Variants in EDN2 observed in about 807,000 individuals in gnomAD.
EDN2 encodes endothelin-2.
Under a neutral mutation model 19.9 loss-of-function variants are expected in EDN2, and 10 were observed. That is an observed-to-expected ratio of 0.50 (90% CI 0.31 to 0.85). The LOEUF is 0.85. EDN2 is among the 40% of genes least tolerant of loss of function. The pLI is 0.05. For synonymous variants in EDN2, 84 were observed against 94.9 expected, an observed-to-expected ratio of 0.89 and a Z score of 0.67; for missense variants, 222 against 239.3, an observed-to-expected ratio of 0.93 and a Z score of 0.48.
intron 1 of EDN2, 53 bp from the exon 2 acceptor site, chr1:41,484,256 A>G: frequency 6.3e-7 from 1 of 1,589,874 alleles, no homozygotes; most frequent in Non-Finnish European, 8.6e-7. Context: ...GGTGCCTGGC[A>G]CATCCCAGAG....
rs1404895096 is a variant in EDN2, at chr1:41,484,086, T to C, written c.182A>G (p.Tyr61Cys). Reference sequence around the variant, plus strand: ...CCAGATGATGTCCAAGTGGCAGAAGTAGACGCACTCCTTGTCGAGCCAGGA... The same window carrying C: ...CCAGATGATGTCCAAGTGGCAGAAGCAGACGCACTCCTTGTCGAGCCAGGA... The part of the protein sequence containing the change: ...CSSWLDKECV[Y>C]FCHLDIIWVN... The change falls in exon 2 of 5, where the codon TAC becomes TGC. Residue 61 changes from tyrosine (Y) to cysteine (C), a missense_variant. Physicochemically the swap from Tyr to Cys is radical, Grantham distance 194 (BLOSUM62 -2). Coordinates refer to ENST00000372587, the MANE Select transcript of EDN2 (RefSeq NM_001956.5). The C allele has an allele frequency of 8.1e-6, 13 of 1,612,476 alleles. No homozygotes were observed. Among genetic ancestry groups the C allele is most frequent in the African/African-American group, 2.7e-5 (2 of 74,818 alleles).
intron 1 of EDN2, 125 bp from the exon 2 acceptor site, chr1:41,484,328 A>G: frequency 7.3e-7 from 1 of 1,367,980 alleles, no homozygotes; most frequent in Non-Finnish European, 9.9e-7. Context: ...TTGCTGCTCA[A>G]GAGCTCCAGG....
At position 41,482,559 on chromosome 1, in the gene EDN2, G is replaced by A. The variant is rs746888124; in HGVS notation, c.251C>T (p.Pro84Leu). 32 of 1,588,918 alleles carry A rather than the reference G, an allele frequency of 2.0e-5. No individual in the cohort carries two copies. Among genetic ancestry groups the A allele is most frequent in the African/African-American group, 5.5e-5 (4 of 72,776 alleles). Residue 84 changes from proline to leucine, a missense_variant, in exon 3 of 5, where the codon CCG (proline) becomes CTG (leucine). Physicochemically the swap from Pro to Leu is moderately conservative, Grantham distance 98. Transcript: ENST00000372587. ...CAGGGAGCGGCGCCGGCGTCTTGGC[G>A]GGTTTCCCAGGCCGTAAGGAGCTGT... ...EQTAPYGLGN[P>L]PRRRRRSLPR...
chr1:41,484,076 G>A lies in EDN2; in HGVS notation c.192C>T (p.His64=), dbSNP rs1644270719. Residue 64 remains histidine (H), a synonymous_variant, in exon 2 of 5, where the codon CAC becomes CAT. Coordinates refer to ENST00000372587, the MANE Select transcript of EDN2 (RefSeq NM_001956.5). The part of the protein sequence containing the change: ...WLDKECVYFC[H]LDIIWVNTPE... ...GAGTGTTCACCCAGATGATGTCCAA[G>A]TGGCAGAAGTAGACGCACTCCTTGT... is the stretch of plus-strand genomic sequence containing the variant. The A allele has an allele frequency of 3.7e-6, 6 of 1,612,166 alleles. No individual in the cohort carries two copies. Among genetic ancestry groups the A allele is most frequent in the South Asian group, 1.1e-5 (1 of 90,566 alleles).
At chr1:41,479,592 C>A in intron 4 of EDN2, 90 bp from the exon 5 acceptor site, 2 of 1,165,450 alleles carry the variant, frequency 1.7e-6, no homozygotes, top group Non-Finnish European at 2.5e-6. Flanking sequence ...GGGCTACAGC[C>A]CTTGCCCAGA....
rs533046193 is a variant in EDN2 at position 41,484,617 on chromosome 1, C to T, written c.-16G>A. ...CGGAGACCATAGCGGCGGTGGAGCG[C>T]GCAGGCTGGACTGGAGCAGGGAGTG... On this transcript the variant is annotated 5_prime_UTR_variant, in exon 1 of 5. Coordinates refer to ENST00000372587, the MANE Select transcript of EDN2 (RefSeq NM_001956.5). 4.1e-5 allele frequency: 63 copies of T among 1,553,722 alleles called. No individual in the cohort carries two copies. The highest frequency in any genetic ancestry group is 2.1e-4 in the Admixed American group (11 of 51,430).
chr1:41,484,312 G>T, intron 1 of EDN2, 109 bp from the exon 2 acceptor site: 1 of 1,415,556 alleles, frequency 7.1e-7, no homozygotes, highest in Non-Finnish European at 9.5e-7. Context: ...GAGGGAGTTG[G>T]CACTCTTGCT....
chr1:41,481,195 T>C lies in EDN2; in HGVS notation c.345-2A>G. 1 of 1,613,408 alleles carries C rather than the reference T, an allele frequency of 6.2e-7. No individual in the cohort carries two copies. On this transcript the variant is annotated splice_acceptor_variant, in intron 3 of 4. Coordinates refer to ENST00000372587, the MANE Select transcript of EDN2 (RefSeq NM_001956.5). LOFTEE classifies it high-confidence loss of function. ...CTTGGGACTGCCCCGGCTTCAGTCC[T>C]ACGTGAATAGCATTAGGGCCCAAGT...
chr1:41,481,034 A>G, intron 4 of EDN2, 61 bp downstream of exon 4: 1 of 1,382,002 alleles, frequency 7.2e-7, no homozygotes, highest in South Asian at 1.2e-5. Flanking sequence ...CATAGAAAAT[A>G]TGGGAAATGT....
intron 1 of EDN2, 87 bp from the exon 2 acceptor site, chr1:41,484,290 T>G: frequency 6.7e-7 from 1 of 1,491,700 alleles, no homozygotes; most frequent in Non-Finnish European, 9.1e-7. Flanking sequence ...ATGCCCCTCC[T>G]CTTGCATAAT....
intron 3 of EDN2, 90 bp downstream of exon 3, chr1:41,482,376 C>T (rs1253879757): frequency 2.8e-6 from 4 of 1,403,754 alleles, no homozygotes; most frequent in Non-Finnish European, 2.8e-6. Flanking sequence ...TGCCAGTTCG[C>T]TCCTCTGCTA....
chr1:41,483,958 T>A, intron 2 of EDN2, 89 bp downstream of exon 2: 1 of 1,374,826 alleles, frequency 7.3e-7, no homozygotes. Flanking sequence ...AGAGATGGAA[T>A]GTGTCAACGT....
chr1:41,479,696 T>C lies in EDN2; in HGVS notation c.444-194A>G, dbSNP rs573933185. ...CGCAGGCCAGCCCAGGCGTTGAAGC[T>C]TCTCTGCACATGGGGGCTTTGACAG... On this transcript the variant is annotated intron_variant, in intron 4 of 4. Coordinates refer to ENST00000372587, the MANE Select transcript of EDN2 (RefSeq NM_001956.5). 3.0e-4 allele frequency among the ~76,000 whole-genome samples: 46 copies of C among 152,296 alleles called. No individual in the cohort carries two copies. In the Middle Eastern group the frequency reaches 0.01, roughly 34 times the overall value.
Position 41,484,174 on chromosome 1 carries a change from G to A in EDN2, c.94C>T (p.Gln32Ter), listed in dbSNP as rs1405932807. Residue 32 changes from glutamine (Q) to a stop codon, truncating the protein, a stop_gained, in exon 2 of 5, where the codon CAG becomes TAG. Transcript: ENST00000372587. LOFTEE classifies it high-confidence loss of function. ...TGGGCATGAGATGAGGACGCTGGCT[G>A]CTCCAGGGTGGCAGCAGCCTGGCCC... is the stretch of plus-strand genomic sequence containing the variant. The part of the protein sequence containing the change: ...GKGQAAATLE[Q>*]PASSSHAQGT... The A allele has an allele frequency of 1.2e-6, 2 of 1,612,718 alleles. No homozygotes were observed. Among genetic ancestry groups the A allele is most frequent in the South Asian group, 2.2e-5 (2 of 91,022 alleles).
At chr1:41,479,582 G>C in intron 4 of EDN2, 80 bp from the exon 5 acceptor site, 1 of 1,269,420 alleles carries the variant, frequency 7.9e-7, no homozygotes, top group African/African-American at 1.5e-5. Flanking sequence ...AGGGGCAATG[G>C]GGCTACAGCC....
chr1:41,484,187 A>G lies in EDN2; in HGVS notation c.81T>C (p.Ala27=). 1.2e-6 allele frequency: 2 copies of G among 1,612,232 alleles called. No individual in the cohort carries two copies. Among genetic ancestry groups the G allele is most frequent in the Non-Finnish European group, 1.7e-6 (2 of 1,179,936 alleles). The stretch of plus-strand genomic sequence containing the variant: ...AGGACGCTGGCTGCTCCAGGGTGGC[A>G]GCAGCCTGGCCCTTCCCTGCATGCA... ...VALHEGKGQA[A]ATLEQPASSS... is the part of the protein sequence containing the mutation. Residue 27 remains alanine, a synonymous_variant, in exon 2 of 5, where the codon GCT becomes GCC. Transcript: ENST00000372587.
At chr1:41,483,756 G>T in intron 2 of EDN2, 1 of 306,362 alleles carries the variant, frequency 3.3e-6, no homozygotes. Flanking sequence ...TTACCTGTGT[G>T]ATCTTGGGGG....
intron 3 of EDN2, among the ~76,000 whole-genome samples, chr1:41,481,586 C>T (rs1027894558): frequency 2.7e-5 from 4 of 149,932 alleles, no homozygotes; most frequent in African/African-American, 7.4e-5. Flanking sequence ...GTTGCCCAGG[C>T]GGGAGTGCAA....
chr1:41,484,027 CA>C lies in EDN2; in HGVS notation c.221+19del, dbSNP rs766857978. The C allele has an allele frequency of 2.7e-5, 43 of 1,577,350 alleles. No individual in the cohort carries two copies. In the African/African-American group the frequency reaches 5.4e-4, roughly 20 times the overall value. On this transcript the variant is annotated intron_variant, in intron 2 of 4. Coordinates refer to ENST00000372587, the MANE Select transcript of EDN2 (RefSeq NM_001956.5). The stretch of plus-strand genomic sequence containing the variant: ...CCTGCCCCAGAGCTCCCCCTGCCCC[CA>C]ATCCCCATGGATGCTCACTCAGGAG...
Sources: gnomAD v4.1 joint callset for allele counts (sites outside exome capture counted in the v4.1 genomes callset) on GRCh38, gnomAD v4.1.1 for gene constraint, MANE v1.5 for transcripts, NCBI Gene and HGNC (gene_info 2026-07-23, HGNC 2026-07-21) for gene names.